ZFP1: variants seen among roughly 807,000 people sequenced by gnomAD.
The protein encoded by ZFP1 is zinc finger protein 1 homolog.
Under a neutral mutation model 38.5 loss-of-function variants are expected in ZFP1, and 32 were observed. The observed-to-expected ratio is 0.83, with a 90% CI of 0.63 to 1.12. The LOEUF (loss-of-function observed/expected upper bound fraction) is 1.12. Ranked by LOEUF, ZFP1 falls within the 50% of genes most tolerant of loss-of-function variation. ZFP1 has a pLI of 0.00. For missense variants in ZFP1, 616 were observed against 480.8 expected (o/e 1.28, Z -2.63); for synonymous variants, 245 against 168.8 (o/e 1.45, Z -3.50).
At position 75,169,638 on chromosome 16, in the gene ZFP1, A is replaced by G. The variant is rs1314153217; in HGVS notation, c.528A>G (p.Lys176=). 2 of 1,594,302 alleles carry G rather than the reference A, an allele frequency of 1.3e-6. No individual in the cohort carries two copies. The highest frequency in any genetic ancestry group is 8.5e-7 in the Non-Finnish European group (1 of 1,174,640). ...SHKAAIFKHQ[K]IKNLVQPFIC... is the part of the protein sequence containing the mutation. ...AAGCAGCCATTTTTAAACATCAGAA[A>G]ATAAAAAACTTGGTTCAACCTTTCA... Residue 176 remains lysine, a synonymous_variant, in exon 4 of 4, where the codon AAA becomes AAG. Transcript: ENST00000570010.
chr16:75,120,576 G>GT, the ZFP1 span, among the ~76,000 whole-genome samples: 2 of 151,310 alleles, frequency 1.3e-5, no homozygotes, highest in East Asian at 1.9e-4. Context: ...TTACCCTTGG[G>GT]TTTTTTTGTT....
upstream of ZFP1, among the ~76,000 whole-genome samples, chr16:75,145,609 G>A (rs1597022223): frequency 6.6e-6 from 1 of 152,204 alleles, no homozygotes; most frequent in African/African-American, 2.4e-5. Flanking sequence ...GAGCTGCAGA[G>A]CAAGGTGGTG....
the ZFP1 span, among the ~76,000 whole-genome samples, chr16:75,129,394 A>G: frequency 6.6e-6 from 1 of 152,166 alleles, no homozygotes; most frequent in Non-Finnish European, 1.5e-5. Flanking sequence ...GTGAAGGAAA[A>G]TATCTTGAGT....
At chr16:75,165,506 T>G (rs1199946028) in intron 2 of ZFP1, among the ~76,000 whole-genome samples, 1 of 152,036 alleles carries the variant, frequency 6.6e-6, no homozygotes, top group Non-Finnish European at 1.5e-5. Flanking sequence ...GCAATTCTCC[T>G]GTCCCAGCCT....
chr16:75,168,093 G>C (rs1352312138), intron 3 of ZFP1, among the ~76,000 whole-genome samples: 1 of 152,020 alleles, frequency 6.6e-6, no homozygotes, highest in Non-Finnish European at 1.5e-5. Context: ...CTGACTTCAA[G>C]TGATCCTCCT....
In ZFP1 at chr16:75,172,001, T is replaced by C. The variant is rs558334368; in HGVS notation, c.*1667T>C. On this transcript the variant is annotated 3_prime_UTR_variant, in exon 4 of 4. Coordinates refer to ENST00000570010, the MANE Select transcript of ZFP1 (RefSeq NM_153688.4). The stretch of plus-strand genomic sequence containing the variant: ...ACTTAAGATTATATGTTTACTAATG[T>C]ATATTGTATTTTTTGGTAAGGACCA... The C allele has an allele frequency of 6.6e-6, 1 of 152,318 alleles. No individual in the cohort carries two copies. Among genetic ancestry groups the C allele is most frequent in the South Asian group, 2.1e-4 (1 of 4,832 alleles). The allele number at this position is 152,318 out of a possible 1,614,324, so 9.4% of individuals were successfully genotyped here.
chr16:75,126,552 C>T, the ZFP1 span, among the ~76,000 whole-genome samples: 8 of 152,232 alleles, frequency 5.3e-5, no homozygotes, highest in East Asian at 1.9e-4. Flanking sequence ...TACAGGCATG[C>T]GCCACTACAC....
the ZFP1 span, among the ~76,000 whole-genome samples, chr16:75,139,381 A>C: frequency 3.0e-3 from 435 of 143,408 alleles, 6 homozygotes; most frequent in African/African-American, 0.012. Flanking sequence ...AAAAAAAAAA[A>C]AAAAAAAAAA....
At chr16:75,123,187 C>G in the ZFP1 span, among the ~76,000 whole-genome samples, 1 of 151,416 alleles carries the variant, frequency 6.6e-6, no homozygotes, top group South Asian at 2.1e-4. Context: ...AACCTCATCT[C>G]TATTAAAAAT....
upstream of ZFP1, among the ~76,000 whole-genome samples, chr16:75,146,939 C>A (rs1305854130): frequency 1.6e-3 from 110 of 67,654 alleles, no homozygotes; most frequent in East Asian, 7.7e-3. Flanking sequence ...GACCCTGTGT[C>A]AAAAAAAAAA....
rs2038406826 is a variant in ZFP1, at chr16:75,171,154, A to ATATT, written c.*822_*825dup. 6.6e-6 allele frequency: 1 copy of ATATT among 152,212 alleles called. No individual in the cohort carries two copies. Among genetic ancestry groups the ATATT allele is most frequent in the Admixed American group, 6.5e-5 (1 of 15,270 alleles). 9.4% of individuals were successfully genotyped at this position (152,212 alleles called of 1,614,324 possible). ...CGTCATGCTCTTATTTTCCCGTGGG[A>ATATT]TATTTGCATACAAATGCATGTCTGT... On this transcript the variant is annotated 3_prime_UTR_variant, in exon 4 of 4. Transcript: ENST00000570010.
intron 2 of ZFP1, among the ~76,000 whole-genome samples, chr16:75,161,500 GTAAT>G (rs1415836056): frequency 1.3e-5 from 2 of 151,368 alleles, no homozygotes; most frequent in Non-Finnish European, 2.9e-5. Flanking sequence ...GTGCTTGCAA[GTAAT>G]TATTTATTTT....
chr16:75,135,141 T>C, the ZFP1 span, among the ~76,000 whole-genome samples: 2 of 137,692 alleles, frequency 1.5e-5, no homozygotes, highest in African/African-American at 5.5e-5. Flanking sequence ...ACCCAGGAGT[T>C]ACAGCGTGCA....
chr16:75,120,523 T>TA, the ZFP1 span, among the ~76,000 whole-genome samples: 111 of 150,784 alleles, frequency 7.4e-4, no homozygotes, highest in Middle Eastern at 3.4e-3. Flanking sequence ...TTTGGGTTTT[T>TA]TTTTGTTTTT....
upstream of ZFP1, chr16:75,144,078 T>C (rs372995166): frequency 6.6e-5 from 10 of 152,244 alleles, no homozygotes; most frequent in East Asian, 5.8e-4. Flanking sequence ...ACTTTCTCTT[T>C]ATTTTTCAGG....
chr16:75,141,781 T>G, the ZFP1 span, among the ~76,000 whole-genome samples: 1 of 149,594 alleles, frequency 6.7e-6, no homozygotes, highest in Non-Finnish European at 1.5e-5. Context: ...TGCACCATGG[T>G]GGCTCAAGTC....
intron 1 of ZFP1, chr16:75,149,183 C>G (rs1018191146): frequency 6.6e-6 from 1 of 152,354 alleles, no homozygotes; most frequent in South Asian, 2.1e-4. Flanking sequence ...CCAGCGTTAT[C>G]ATCTCCGTCG....
rs192643719 is a variant in ZFP1 at position 75,155,679 on chromosome 16, A to T, written c.15+2713A>T. On this transcript the variant is annotated intron_variant, in intron 2 of 3. Coordinates refer to ENST00000570010, the MANE Select transcript of ZFP1 (RefSeq NM_153688.4). The stretch of plus-strand genomic sequence containing the variant: ...CACCCAAGTTAAGAAATAGAACATT[A>T]TCTGTTCTTTATGACAAATTTTCTG... Among the ~76,000 whole-genome samples, 18 of 152,340 alleles carry T rather than the reference A, an allele frequency of 1.2e-4. 1 individual carries two copies. Among genetic ancestry groups the T allele is most frequent in the Admixed American group, 1.0e-3 (16 of 15,292 alleles).
upstream of ZFP1, among the ~76,000 whole-genome samples, chr16:75,146,111 CT>C (rs1296320550): frequency 2.6e-5 from 4 of 152,078 alleles, no homozygotes; most frequent in African/African-American, 9.7e-5. Flanking sequence ...GTCCAGGGAA[CT>C]CTCCTGTCTC....
Sources: gnomAD v4.1 joint callset for allele counts (sites outside exome capture counted in the v4.1 genomes callset) on GRCh38, gnomAD v4.1.1 for gene constraint, MANE v1.5 for transcripts, NCBI Gene and HGNC (gene_info 2026-07-23, HGNC 2026-07-21) for gene names.